The following ABCC4 variants were observed in gnomAD, a reference collection of about 807,000 sequenced individuals.
ABCC4 encodes the protein ATP binding cassette subfamily C member 4 (PEL blood group), also known as ATP-binding cassette sub-family C member 4.
In ABCC4, 102 loss-of-function variants were observed where a neutral mutation model predicts 168.5. The ratio of observed to expected loss-of-function variants is 0.61; its 90% CI spans 0.52 to 0.71. The LOEUF (loss-of-function observed/expected upper bound fraction) is 0.71, where lower values mean the gene tolerates loss of function less well. Among genes scored for constraint, ABCC4 ranks in the 30% least tolerant of loss-of-function variants. The pLI is 0.00. For synonymous variants in ABCC4, 617 were observed against 590.7 expected (o/e 1.04, Z -0.65); for missense variants, 1,402 against 1,605.8 (o/e 0.87, Z 2.17).
intron 1 of ABCC4, among the ~76,000 whole-genome samples, chr13:95,278,697 T>TGAGGTGG (rs965464348): frequency 1.3e-5 from 2 of 150,518 alleles, no homozygotes; most frequent in Non-Finnish European, 2.9e-5. Context: ...CTCAGGAAGC[T>TGAGGTGG]GAGGTGGGAG....
chr13:95,155,876 G>C (rs2036837509), intron 19 of ABCC4, among the ~76,000 whole-genome samples: 1 of 152,162 alleles, frequency 6.6e-6, no homozygotes, highest in Non-Finnish European at 1.5e-5. Flanking sequence ...TGAGAAAACA[G>C]GACAACAAAC....
intron 27 of ABCC4, 97 bp downstream of exon 27, chr13:95,052,998 A>C: frequency 3.7e-5 from 39 of 1,068,452 alleles, no homozygotes; most frequent in Non-Finnish European, 5.0e-5. Context: ...AAGTTAGTTA[A>C]ACCGCTAAGC....
chr13:95,167,773 G>C (rs1352071752), intron 14 of ABCC4, among the ~76,000 whole-genome samples: 2 of 152,158 alleles, frequency 1.3e-5, no homozygotes, highest in African/African-American at 2.4e-5. Context: ...GGTTCCGAGG[G>C]GGAACCGTGC....
intron 19 of ABCC4, among the ~76,000 whole-genome samples, chr13:95,125,318 G>A (rs548675185): frequency 1.3e-4 from 20 of 152,250 alleles, no homozygotes; most frequent in Non-Finnish European, 2.8e-4. Context: ...CACAAATGAC[G>A]ATGGCCAAAG....
chr13:95,067,074 C>A (rs992069081), intron 25 of ABCC4, among the ~76,000 whole-genome samples: 1 of 152,182 alleles, frequency 6.6e-6, no homozygotes, highest in Non-Finnish European at 1.5e-5. Context: ...AACTGGGAAA[C>A]AGGCCAGACA....
intron 4 of ABCC4, among the ~76,000 whole-genome samples, chr13:95,229,796 G>A (rs2039568673): frequency 6.6e-6 from 1 of 152,268 alleles, no homozygotes; most frequent in East Asian, 1.9e-4. Flanking sequence ...AGGGCAAATG[G>A]GAGATCCAGT....
At chr13:95,170,668 TG>T (rs754634680) in intron 13 of ABCC4, 40 bp from the exon 14 acceptor site, 2 of 1,245,640 alleles carry the variant, frequency 1.6e-6, no homozygotes, top group Non-Finnish European at 2.3e-6. Context: ...AATGCATGAA[TG>T]GGGTGCTCCA....
chr13:95,282,544 A>AT (rs201026872), intron 1 of ABCC4, among the ~76,000 whole-genome samples: 4,832 of 151,338 alleles, frequency 0.032, 114 homozygotes, highest in South Asian at 0.062. Context: ...TTTATTTTTT[A>AT]TTTTTTTTGA....
intron 19 of ABCC4, among the ~76,000 whole-genome samples, chr13:95,126,557 G>A (rs780417738): frequency 8.4e-4 from 127 of 151,504 alleles, no homozygotes; most frequent in Non-Finnish European, 3.5e-4. Context: ...CCCACCCTAT[G>A]TAAAGCAACC....
chr13:95,200,517 C>CTGAG (rs2038594182), intron 8 of ABCC4, among the ~76,000 whole-genome samples: 1 of 152,060 alleles, frequency 6.6e-6, no homozygotes, highest in African/African-American at 2.4e-5. Flanking sequence ...GGTCAAGAGA[C>CTGAG]TGAGACTATC....
chr13:95,035,651 T>C (rs2032090684), intron 29 of ABCC4, among the ~76,000 whole-genome samples: 1 of 152,196 alleles, frequency 6.6e-6, no homozygotes, highest in Non-Finnish European at 1.5e-5. Flanking sequence ...ATATGTCCAC[T>C]GGAAATTGAA....
At chr13:95,226,286 C>T (rs758172354) in intron 4 of ABCC4, among the ~76,000 whole-genome samples, 21 of 152,014 alleles carry the variant, frequency 1.4e-4, no homozygotes, top group Non-Finnish European at 2.9e-4. Flanking sequence ...ATAGTCAAAA[C>T]AATCATAAAA....
rs528694808 is a variant in ABCC4, at chr13:95,280,529, T to C, written c.74+20712A>G. 3.4e-5 allele frequency among the ~76,000 whole-genome samples: 5 copies of C among 147,880 alleles called. No homozygotes were observed. The South Asian group carries it at 8.6e-4, about 25-fold the overall frequency. On this transcript the variant is annotated intron_variant, in intron 1 of 30. Transcript: ENST00000645237. ...CTGCCCACTTTTCCAAAACCTGATATAGTCAGTCACTAGTAGCTGCCATTT... is the reference window on the plus strand; with the variant it reads ...CTGCCCACTTTTCCAAAACCTGATACAGTCAGTCACTAGTAGCTGCCATTT...
chr13:95,224,168 A>G (rs1260254372), intron 4 of ABCC4, among the ~76,000 whole-genome samples: 1 of 151,762 alleles, frequency 6.6e-6, no homozygotes, highest in Non-Finnish European at 1.5e-5. Context: ...TCAATCCTCT[A>G]AAAAATCAGT....
intron 25 of ABCC4, among the ~76,000 whole-genome samples, chr13:95,068,888 C>T (rs956239784): frequency 6.6e-6 from 1 of 152,172 alleles, no homozygotes; most frequent in Non-Finnish European, 1.5e-5. Flanking sequence ...AAGCAAACAT[C>T]CCCCTGGCCC....
intron 20 of ABCC4, among the ~76,000 whole-genome samples, chr13:95,085,859 T>C (rs2034239789): frequency 6.6e-6 from 1 of 152,152 alleles, no homozygotes; most frequent in Non-Finnish European, 1.5e-5. Flanking sequence ...CATATCTAAA[T>C]AGGAGGGATT....
chr13:95,238,146 A>G (rs566415162), intron 3 of ABCC4, among the ~76,000 whole-genome samples: 22 of 147,682 alleles, frequency 1.5e-4, no homozygotes, highest in Non-Finnish European at 2.4e-4. Context: ...GTGAGCCAAG[A>G]TCGCGCCACT....
chr13:95,247,809 G>A (rs1432705360), intron 1 of ABCC4, 56 bp from the exon 2 acceptor site: 95 of 1,406,744 alleles, frequency 6.8e-5, no homozygotes, highest in Admixed American at 1.0e-4. Flanking sequence ...TGTTTAAGTA[G>A]ACTCCTACCT....
At position 95,194,913 on chromosome 13, in the gene ABCC4, A is replaced by C. The variant is rs765738938; in HGVS notation, c.1186T>G (p.Ser396Ala). 8.1e-6 allele frequency: 13 copies of C among 1,613,996 alleles called. No individual in the cohort carries two copies. The Admixed American group carries it at 1.3e-4, about 17-fold the overall frequency. ...IQTFLLLDEI[S>A]QRNRQLPSDG... ...GACGGCAGCTGACGGTTGCGCTGTG[A>C]TATCTCATCAAGTAGCAAAAAGGTC... The change falls in exon 9 of 31, where the codon TCA becomes GCA. Residue 396 changes from serine (S) to alanine (A), a missense_variant. Ser to Ala is a moderately conservative substitution (Grantham distance 99). Coordinates refer to ENST00000645237, the MANE Select transcript of ABCC4 (RefSeq NM_005845.5).
Sources: gnomAD v4.1 joint callset for allele counts (sites outside exome capture counted in the v4.1 genomes callset) on GRCh38, gnomAD v4.1.1 for gene constraint, MANE v1.5 for transcripts, NCBI Gene and HGNC (gene_info 2026-07-23, HGNC 2026-07-21) for gene names.